ERP44: variants seen among roughly 807,000 people sequenced by gnomAD.
ERP44 encodes the protein endoplasmic reticulum protein 44, also known as endoplasmic reticulum resident protein 44.
Under a neutral mutation model 53.4 loss-of-function variants are expected in ERP44, and 25 were observed. The observed-to-expected ratio is 0.47, with a 90% CI of 0.34 to 0.65. The LOEUF (loss-of-function observed/expected upper bound fraction) is 0.65. Ranked by LOEUF, ERP44 falls within the 30% of genes least tolerant of loss-of-function variation. ERP44 has a pLI of 0.01. For synonymous variants in ERP44, 145 were observed against 161.2 expected, an observed-to-expected ratio of 0.90 and a Z score of 0.76; for missense variants, 338 against 493.2, an observed-to-expected ratio of 0.69 and a Z score of 2.98.
rs552083661 is a variant in ERP44 at position 100,094,303 on chromosome 9, T to C, written c.57+4481A>G. Among the ~76,000 whole-genome samples the C allele has an allele frequency of 9.8e-3, 1,464 of 149,786 alleles. 13 individuals are homozygous for C. The highest frequency in any genetic ancestry group is 0.016 in the Non-Finnish European group (1,109 of 67,366). On this transcript the variant is annotated intron_variant, in intron 1 of 11. Coordinates refer to ENST00000262455, the MANE Select transcript of ERP44 (RefSeq NM_015051.3). Reference sequence around the variant, plus strand: ...AAATATATGCCAAAATAAATACAAATAGCTTGTACCTTTAAAAAAAAAAAA... The same window carrying C: ...AAATATATGCCAAAATAAATACAAACAGCTTGTACCTTTAAAAAAAAAAAA...
intron 4 of ERP44, among the ~76,000 whole-genome samples, chr9:100,030,572 C>T (rs1825772413): frequency 6.6e-6 from 1 of 152,072 alleles, no homozygotes; most frequent in African/African-American, 2.4e-5. Flanking sequence ...GTTAGAGGCC[C>T]CACTCAGTAA....
intron 8 of ERP44, among the ~76,000 whole-genome samples, chr9:100,010,470 G>A (rs1247739930): frequency 5.3e-5 from 8 of 152,122 alleles, no homozygotes; most frequent in Non-Finnish European, 1.5e-5. Context: ...ACCCCTGCAA[G>A]AACTACCACA....
intron 3 of ERP44, among the ~76,000 whole-genome samples, chr9:100,054,357 T>C (rs1006551749): frequency 1.3e-5 from 2 of 152,178 alleles, no homozygotes; most frequent in Non-Finnish European, 1.5e-5. Context: ...GGCTGATTAA[T>C]GGTTTCTTGA....
chr9:100,009,120 C>G (rs146323864), intron 8 of ERP44, among the ~76,000 whole-genome samples: 2 of 151,378 alleles, frequency 1.3e-5, no homozygotes, highest in African/African-American at 4.8e-5. Context: ...AATTCTAGAG[C>G]TTTTTTTTTG....
intron 4 of ERP44, 135 bp from the exon 5 acceptor site, chr9:100,022,361 AAAT>A (rs1466399164): frequency 5.0e-6 from 3 of 603,330 alleles, no homozygotes; most frequent in Non-Finnish European, 8.3e-6. Context: ...AGAGAGAAAA[AAAT>A]AATAATAATC....
rs368199341 is a variant in ERP44, at chr9:100,076,160, G to A, written c.58-15988C>T. Among the ~76,000 whole-genome samples the A allele has an allele frequency of 5.9e-5, 9 of 152,310 alleles. No individual in the cohort carries two copies. In the South Asian group the frequency reaches 1.0e-3, roughly 18 times the overall value. On this transcript the variant is annotated intron_variant, in intron 1 of 11. Transcript: ENST00000262455. ...ACTATAGGTCTTCAAGTCACCATGA[G>A]ACCAGAACTGCCTATCATGAACTGG...
At chr9:100,021,180 G>A (rs1830584777) in intron 5 of ERP44, among the ~76,000 whole-genome samples, 1 of 152,186 alleles carries the variant, frequency 6.6e-6, no homozygotes. Flanking sequence ...TCTCAGAGTT[G>A]TGCTTGTAGC....
chr9:100,039,134 CA>C (rs1454146158), intron 4 of ERP44, among the ~76,000 whole-genome samples: 1 of 152,160 alleles, frequency 6.6e-6, no homozygotes, highest in East Asian at 1.9e-4. Context: ...ATCTTCCAGA[CA>C]GAAAATCAAC....
At chr9:100,079,348 T>C (rs921083106) in intron 1 of ERP44, among the ~76,000 whole-genome samples, 2 of 151,636 alleles carry the variant, frequency 1.3e-5, no homozygotes, top group African/African-American at 2.4e-5. Flanking sequence ...GCTCCTCAGC[T>C]TGCAGACAGC....
intron 1 of ERP44, among the ~76,000 whole-genome samples, chr9:100,087,729 T>C (rs1248607503): frequency 3.9e-5 from 6 of 152,200 alleles, no homozygotes; most frequent in Non-Finnish European, 8.8e-5. Flanking sequence ...TATCTTTTCT[T>C]TCTATATTTC....
chr9:100,033,353 G>T (rs1477674559), intron 4 of ERP44, among the ~76,000 whole-genome samples: 4 of 152,158 alleles, frequency 2.6e-5, no homozygotes, highest in African/African-American at 9.7e-5. Context: ...CTGACCTGTG[G>T]TAAGTAAAGA....
chr9:100,097,170 G>GA (rs1016333303), intron 1 of ERP44, among the ~76,000 whole-genome samples: 5 of 151,984 alleles, frequency 3.3e-5, no homozygotes, highest in African/African-American at 7.2e-5. Context: ...TTCTATTTGG[G>GA]AAAAAACTCA....
chr9:100,060,907 T>C (rs1336317430), intron 1 of ERP44, among the ~76,000 whole-genome samples: 2 of 152,186 alleles, frequency 1.3e-5, no homozygotes, highest in African/African-American at 4.8e-5. Context: ...CCTGAAGAGA[T>C]TTTTGTTTGA....
chr9:99,989,287 C>A (rs1023657501), intron 10 of ERP44, among the ~76,000 whole-genome samples: 1 of 152,156 alleles, frequency 6.6e-6, no homozygotes, highest in East Asian at 1.9e-4. Context: ...CAGTAGGAGC[C>A]GACTGACACC....
chr9:100,081,912 C>T (rs940568808), intron 1 of ERP44, among the ~76,000 whole-genome samples: 5 of 151,888 alleles, frequency 3.3e-5, no homozygotes, highest in African/African-American at 9.7e-5. Flanking sequence ...TACATGACAA[C>T]CAAAAACAAA....
chr9:100,059,979 A>G, intron 2 of ERP44, 121 bp downstream of exon 2: 2 of 823,772 alleles, frequency 2.4e-6, no homozygotes, highest in Non-Finnish European at 3.3e-6. Flanking sequence ...GGAATTAATC[A>G]GAATGCCAGC....
In ERP44 at chr9:100,082,353, T is replaced by C. The variant is rs367863313; in HGVS notation, c.57+16431A>G. On this transcript the variant is annotated intron_variant, in intron 1 of 11. Transcript: ENST00000262455. ...GTAACAAACCTGCACATTCAGCACA[T>C]GTATCCCAGAACTTAGAGTGAAATA... Among the ~76,000 whole-genome samples, 12 of 150,968 alleles carry C rather than the reference T, an allele frequency of 7.9e-5. No homozygotes were observed. The East Asian group carries it at 1.9e-3, about 24-fold the overall frequency.
At chr9:100,050,073 A>C (rs907627478) in intron 4 of ERP44, among the ~76,000 whole-genome samples, 1 of 151,444 alleles carries the variant, frequency 6.6e-6, no homozygotes, top group East Asian at 1.9e-4. Flanking sequence ...AAAACCTCAT[A>C]CTGTATGATT....
intron 10 of ERP44, among the ~76,000 whole-genome samples, chr9:99,997,414 C>T (rs1228103116): frequency 3.8e-5 from 5 of 130,176 alleles, no homozygotes; most frequent in African/African-American, 1.5e-4. Context: ...ATTTTTTTAA[C>T]AAAATTTTTA....
Sources: allele counts gnomAD v4.1 joint callset (sites outside exome capture counted in the v4.1 genomes callset), GRCh38; gene constraint gnomAD v4.1.1; transcripts MANE v1.5; gene names NCBI Gene and HGNC (gene_info 2026-07-23, HGNC 2026-07-21).